The following CTNNA3 variants were observed in gnomAD, a reference collection of about 807,000 sequenced individuals.
CTNNA3 encodes catenin alpha 3, also known as catenin alpha-3.
A neutral mutation model predicts 95.7 loss-of-function variants in CTNNA3; 76 were observed. That is an observed-to-expected ratio of 0.79 (90% CI 0.66 to 0.96). The LOEUF (loss-of-function observed/expected upper bound fraction) is 0.96, where lower values mean the gene tolerates loss of function less well. Ranked by LOEUF, CTNNA3 falls within the 40% of genes least tolerant of loss-of-function variation. The pLI is 0.00. For missense variants in CTNNA3, 1,191 were observed against 1,089.8 expected (o/e 1.09, Z -1.31); for synonymous variants, 431 against 374.4 (o/e 1.15, Z -1.74).
At chr10:67,426,992 G>C (rs968895555) in intron 5 of CTNNA3, among the ~76,000 whole-genome samples, 3 of 151,922 alleles carry the variant, frequency 2.0e-5, no homozygotes, top group African/African-American at 7.3e-5. Context: ...TTTTGAAGAT[G>C]AGTTTTCATT....
At chr10:67,333,468 T>G (rs780919843) in intron 5 of CTNNA3, among the ~76,000 whole-genome samples, 1 of 152,194 alleles carries the variant, frequency 6.6e-6, no homozygotes, top group African/African-American at 2.4e-5. Context: ...AGCTCATATA[T>G]TCTGTGGGCT....
rs149348606 is a variant in CTNNA3 at position 66,766,391 on chromosome 10, A to G, written c.1154T>C (p.Val385Ala). The G allele has an allele frequency of 2.9e-5, 46 of 1,613,654 alleles. No individual in the cohort carries two copies. The highest frequency in any genetic ancestry group is 3.7e-5 in the Non-Finnish European group (44 of 1,179,826). ...TGTCGTATCCAGGAAAGAGTCTGACACATGATCTATAATAGCCTTGCGGAG... is the reference window on the plus strand; with the variant it reads ...TGTCGTATCCAGGAAAGAGTCTGACGCATGATCTATAATAGCCTTGCGGAG... ...RQLRKAIIDH[V>A]SDSFLDTTVP... The change falls in exon 9 of 18, where the codon GTG (valine) becomes GCG (alanine). Residue 385 changes from valine to alanine, a missense_variant. Physicochemically the swap from Val to Ala is moderately conservative, Grantham distance 64. Transcript: ENST00000433211.
At chr10:66,908,682 T>TA (rs1434613169) in intron 7 of CTNNA3, among the ~76,000 whole-genome samples, 10 of 152,140 alleles carry the variant, frequency 6.6e-5, no homozygotes, top group African/African-American at 1.2e-4. Flanking sequence ...TTGTTTTTTT[T>TA]TAAAAAAATT....
chr10:65,930,199 T>TAAAAAAAAAAAAAAAAAAAAAAAAAA (rs71472402), intron 17 of CTNNA3, among the ~76,000 whole-genome samples: 2 of 60,714 alleles, frequency 3.3e-5, no homozygotes, highest in African/African-American at 5.8e-5. Context: ...CAGAGCTCAG[T>TAAAAAAAAAAAAAAAAAAAAAAAAAA]AAAAAAAAAA....
intron 17 of CTNNA3, among the ~76,000 whole-genome samples, chr10:65,940,076 T>A (rs1358080558): frequency 6.6e-6 from 1 of 152,148 alleles, no homozygotes; most frequent in African/African-American, 2.4e-5. Flanking sequence ...AATCTAATAA[T>A]AATTTATTTC....
At chr10:67,299,624 C>A (rs1266012035) in intron 5 of CTNNA3, among the ~76,000 whole-genome samples, 5 of 152,308 alleles carry the variant, frequency 3.3e-5, no homozygotes, top group African/African-American at 9.6e-5. Context: ...GGTTTTAGTG[C>A]AGCACCTATC....
At chr10:67,521,053 T>A (rs1387065612) in intron 5 of CTNNA3, among the ~76,000 whole-genome samples, 2 of 152,292 alleles carry the variant, frequency 1.3e-5, no homozygotes, top group South Asian at 4.1e-4. Flanking sequence ...GCAACCTCAT[T>A]TAAACATTTA....
intron 6 of CTNNA3, among the ~76,000 whole-genome samples, chr10:67,187,527 T>TGA (rs1862909904): frequency 6.6e-6 from 1 of 151,574 alleles, no homozygotes; most frequent in Admixed American, 6.6e-5. Context: ...CATCATTTTC[T>TGA]TTCTCTCTCT....
chr10:67,131,496 G>C (rs921984840), intron 7 of CTNNA3, among the ~76,000 whole-genome samples: 2 of 151,998 alleles, frequency 1.3e-5, no homozygotes, highest in Non-Finnish European at 2.9e-5. Flanking sequence ...GTACTATGTG[G>C]CAGTCATTAT....
chr10:67,227,794 G>C (rs1864996788), intron 5 of CTNNA3, among the ~76,000 whole-genome samples: 1 of 152,046 alleles, frequency 6.6e-6, no homozygotes, highest in African/African-American at 2.4e-5. Flanking sequence ...TATATGATAG[G>C]CCATAAAATG....
chr10:66,923,429 G>C (rs973812517), intron 7 of CTNNA3, among the ~76,000 whole-genome samples: 1 of 152,106 alleles, frequency 6.6e-6, no homozygotes, highest in Non-Finnish European at 1.5e-5. Context: ...TGACTACGTG[G>C]GAGAGTGAGG....
intron 7 of CTNNA3, among the ~76,000 whole-genome samples, chr10:66,959,454 C>T (rs1007366018): frequency 1.8e-4 from 27 of 152,058 alleles, no homozygotes; most frequent in African/African-American, 5.1e-4. Flanking sequence ...TCCACTTCTG[C>T]GGCAATTGGG....
rs191039573 is a variant in CTNNA3, at chr10:66,858,459, A to G, written c.1048-82935T>C. Among the ~76,000 whole-genome samples, 401 of 152,142 alleles carry G rather than the reference A, an allele frequency of 2.6e-3. 1 individual carries two copies. The highest frequency in any genetic ancestry group is 7.9e-3 in the Admixed American group (121 of 15,252). On this transcript the variant is annotated intron_variant, in intron 7 of 17. Transcript: ENST00000433211. ...TCTCCTCTCCTCAATATTTTGGAAC[A>G]GTTTTAGTAGGAATAGTACCCGCTT...
chr10:66,844,357 C>T lies in CTNNA3; in HGVS notation c.1048-68833G>A, dbSNP rs569954027. Among the ~76,000 whole-genome samples the T allele has an allele frequency of 3.9e-5, 6 of 152,234 alleles. No homozygotes were observed. The South Asian group carries it at 1.2e-3, about 32-fold the overall frequency. The stretch of plus-strand genomic sequence containing the variant: ...GTATCCTTTTCATGTTTCTGTTTAG[C>T]ATTAGTCATTATTTGCTAACAGAGT... On this transcript the variant is annotated intron_variant, in intron 7 of 17. Transcript: ENST00000433211.
intron 17 of CTNNA3, among the ~76,000 whole-genome samples, chr10:65,942,468 G>T (rs914811404): frequency 2.6e-5 from 4 of 152,174 alleles, no homozygotes; most frequent in Admixed American, 1.3e-4. Context: ...GGCAGAGGTT[G>T]CAGTGAGTCA....
chr10:65,944,201 A>G (rs1197966554), intron 17 of CTNNA3, among the ~76,000 whole-genome samples: 6 of 152,202 alleles, frequency 3.9e-5, no homozygotes, highest in Admixed American at 1.3e-4. Context: ...AAAACAAACC[A>G]CAAATAGTCC....
At chr10:67,439,211 A>G (rs993048834) in intron 5 of CTNNA3, among the ~76,000 whole-genome samples, 1 of 152,092 alleles carries the variant, frequency 6.6e-6, no homozygotes, top group African/African-American at 2.4e-5. Context: ...CTCACCCACA[A>G]CAGGATAGGG....
intron 13 of CTNNA3, among the ~76,000 whole-genome samples, chr10:66,192,845 C>A (rs1010198823): frequency 6.6e-6 from 1 of 151,998 alleles, no homozygotes; most frequent in African/African-American, 2.4e-5. Flanking sequence ...AATTGTTAAT[C>A]CTGATTGAAA....
intron 7 of CTNNA3, among the ~76,000 whole-genome samples, chr10:66,835,431 T>C (rs1027047429): frequency 1.3e-5 from 2 of 152,192 alleles, no homozygotes; most frequent in South Asian, 2.1e-4. Flanking sequence ...CAGCAATCAA[T>C]AGTTTAGCAA....
Sources: allele counts gnomAD v4.1 joint callset (sites outside exome capture counted in the v4.1 genomes callset), GRCh38; gene constraint gnomAD v4.1.1; transcripts MANE v1.5; gene names NCBI Gene and HGNC (gene_info 2026-07-23, HGNC 2026-07-21).